Variants in GUCY1A2 observed in about 807,000 individuals in gnomAD.
GUCY1A2 encodes guanylate cyclase soluble subunit alpha-2.
GUCY1A2 carries 27 observed loss-of-function variants against 63.5 expected under a neutral mutation model. The observed-to-expected ratio is 0.43, with a 90% CI of 0.31 to 0.59. The LOEUF is 0.59. GUCY1A2 is among the 20% of genes least tolerant of loss of function. The pLI is 0.11. For missense variants in GUCY1A2, 768 were observed against 913.3 expected, an observed-to-expected ratio of 0.84 and a Z score of 2.05; for synonymous variants, 364 against 343.5, an observed-to-expected ratio of 1.06 and a Z score of -0.66.
At chr11:106,697,942 G>A (rs570067524) in intron 7 of GUCY1A2, among the ~76,000 whole-genome samples, 27 of 151,844 alleles carry the variant, frequency 1.8e-4, no homozygotes, top group African/African-American at 6.5e-4. Flanking sequence ...TTCTCTTATG[G>A]TCATTTCACC....
chr11:106,719,403 AAGG>A (rs1399746126), intron 6 of GUCY1A2, among the ~76,000 whole-genome samples: 1 of 152,124 alleles, frequency 6.6e-6, no homozygotes, highest in Non-Finnish European at 1.5e-5. Flanking sequence ...GGATTTAGGA[AAGG>A]AGTCTCATAG....
At chr11:106,935,211 T>C (rs989048579) in intron 4 of GUCY1A2, among the ~76,000 whole-genome samples, 3 of 152,164 alleles carry the variant, frequency 2.0e-5, no homozygotes, top group Non-Finnish European at 2.9e-5. Context: ...TCAAACCTAC[T>C]GATACCTGGT....
chr11:106,822,379 T>C (rs1357642662), intron 4 of GUCY1A2, among the ~76,000 whole-genome samples: 1 of 152,170 alleles, frequency 6.6e-6, no homozygotes, highest in East Asian at 1.9e-4. Context: ...ACTTTTATTT[T>C]AGGTCCAAGG....
chr11:106,827,285 C>A, intron 4 of GUCY1A2: 1 of 1,555,250 alleles, frequency 6.4e-7, no homozygotes, highest in African/African-American at 1.4e-5. Context: ...GCAATTTTAG[C>A]CTCTGATTTT....
At chr11:106,980,265 G>A (rs1020051645) in intron 2 of GUCY1A2, among the ~76,000 whole-genome samples, 84 of 152,322 alleles carry the variant, frequency 5.5e-4, no homozygotes, top group African/African-American at 1.9e-3. Context: ...TTCCAATCTA[G>A]AGGCTGCCAG....
chr11:106,957,311 TC>T (rs1216994362), intron 3 of GUCY1A2, among the ~76,000 whole-genome samples: 2 of 149,046 alleles, frequency 1.3e-5, no homozygotes, highest in Non-Finnish European at 3.0e-5. Context: ...TGCCTCTTCT[TC>T]CCCCCTCCCC....
At chr11:106,733,488 A>G (rs942902905) in intron 6 of GUCY1A2, among the ~76,000 whole-genome samples, 1 of 152,184 alleles carries the variant, frequency 6.6e-6, no homozygotes, top group African/African-American at 2.4e-5. Context: ...AAGTCTCACC[A>G]TTTAGTACCT....
intron 4 of GUCY1A2, among the ~76,000 whole-genome samples, chr11:106,860,317 A>AG (rs772085998): frequency 1.7e-4 from 26 of 151,728 alleles, no homozygotes; most frequent in Non-Finnish European, 3.1e-4. Flanking sequence ...CAATGCTTGC[A>AG]GGGGAAAAAA....
chr11:107,013,801 C>T (rs1195900036), intron 1 of GUCY1A2, among the ~76,000 whole-genome samples: 1 of 152,066 alleles, frequency 6.6e-6, no homozygotes, highest in Non-Finnish European at 1.5e-5. Flanking sequence ...ATAAAACTTC[C>T]CCTAGATTTC....
intron 2 of GUCY1A2, 54 bp from the exon 3 acceptor site, chr11:106,978,794 T>C (rs10890630): frequency 0.39 from 539,492 of 1,371,134 alleles, 107,801 homozygotes; most frequent in Non-Finnish European, 0.42. Flanking sequence ...CATCTGCGAA[T>C]GCAACTCATA....
At position 106,679,764 on chromosome 11, in the gene GUCY1A2, G is replaced by A. The variant is rs2135326207; in HGVS notation, c.*7785C>T. On this transcript the variant is annotated 3_prime_UTR_variant, in exon 8 of 8. Coordinates refer to ENST00000526355, the MANE Select transcript of GUCY1A2 (RefSeq NM_000855.3). ...GCAGAGCTGGTATTGGGCCTTCTTTGTTCCTTCAACCCAGATGTTCTGACA... is the reference window on the plus strand; with the variant it reads ...GCAGAGCTGGTATTGGGCCTTCTTTATTCCTTCAACCCAGATGTTCTGACA... 4.6e-6 allele frequency: 1 copy of A among 218,122 alleles called. No homozygotes were observed. Among genetic ancestry groups the A allele is most frequent in the South Asian group, 1.8e-4 (1 of 5,410 alleles). 13.5% of individuals were successfully genotyped at this position (218,122 alleles called of 1,614,324 possible).
chr11:106,921,024 T>G (rs1268150832), intron 4 of GUCY1A2, among the ~76,000 whole-genome samples: 2 of 152,042 alleles, frequency 1.3e-5, no homozygotes, highest in African/African-American at 4.8e-5. Context: ...AACTCAATAT[T>G]TGCAACATGA....
intron 4 of GUCY1A2, among the ~76,000 whole-genome samples, chr11:106,880,449 C>A (rs891592794): frequency 6.6e-6 from 1 of 151,940 alleles, no homozygotes; most frequent in Non-Finnish European, 1.5e-5. Context: ...GTATGTAAGT[C>A]CCCTGAATAA....
At position 106,711,444 on chromosome 11, in the gene GUCY1A2, T is replaced by C. The variant is rs187105423; in HGVS notation, c.1837-2778A>G. Among the ~76,000 whole-genome samples the C allele has an allele frequency of 5.2e-4, 79 of 152,242 alleles. 1 individual carries two copies. In the East Asian group the frequency reaches 0.014, roughly 27 times the overall value. Reference sequence around the variant, plus strand: ...GCAAAATATAGATACTTTGAAAACATAGACTTTTATTTGTCTTTCAATAAT... The same window carrying C: ...GCAAAATATAGATACTTTGAAAACACAGACTTTTATTTGTCTTTCAATAAT... On this transcript the variant is annotated intron_variant, in intron 6 of 7. Transcript: ENST00000526355.
intron 4 of GUCY1A2, among the ~76,000 whole-genome samples, chr11:106,922,686 T>C (rs1484090346): frequency 6.2e-5 from 1 of 16,058 alleles, no homozygotes. Flanking sequence ...TATATATATA[T>C]ATATATATAT....
Position 106,845,903 on chromosome 11 carries a change from G to T in GUCY1A2, c.1207-35425C>A, listed in dbSNP as rs1859264124. Among the ~76,000 whole-genome samples, 5 of 151,650 alleles carry T rather than the reference G, an allele frequency of 3.3e-5. 1 individual carries two copies. The South Asian group carries it at 8.3e-4, about 25-fold the overall frequency. On this transcript the variant is annotated intron_variant, in intron 4 of 7. Transcript: ENST00000526355. ...AGGAAAGTTTTCCTTTCAACGAAAA[G>T]ATTTACAGCCAACACCTTAACTAAG...
At chr11:106,889,460 G>C (rs1280138956) in intron 4 of GUCY1A2, among the ~76,000 whole-genome samples, 1 of 152,016 alleles carries the variant, frequency 6.6e-6, no homozygotes, top group African/African-American at 2.4e-5. Flanking sequence ...AACCCCTCAC[G>C]TCTCAAGCAT....
Position 106,857,284 on chromosome 11 carries a change from C to T in GUCY1A2, c.1207-46806G>A, listed in dbSNP as rs76949374. On this transcript the variant is annotated intron_variant, in intron 4 of 7. Transcript: ENST00000526355. ...GACTGCTGACTTTTCACTGTATCCT[C>T]GCATGACAGAAAGCTAGCTAGCTAG... Among the ~76,000 whole-genome samples the T allele has an allele frequency of 8.2e-3, 1,243 of 152,248 alleles. 14 individuals are homozygous for T. The highest frequency in any genetic ancestry group is 0.029 in the African/African-American group (1,185 of 41,552).
intron 4 of GUCY1A2, among the ~76,000 whole-genome samples, chr11:106,850,600 G>A (rs1248588612): frequency 1.3e-5 from 2 of 151,698 alleles, no homozygotes; most frequent in East Asian, 3.9e-4. Flanking sequence ...GACAACATGT[G>A]GTTATTGATC....
Sources: gnomAD v4.1 joint callset for allele counts (sites outside exome capture counted in the v4.1 genomes callset) on GRCh38, gnomAD v4.1.1 for gene constraint, MANE v1.5 for transcripts, NCBI Gene and HGNC (gene_info 2026-07-23, HGNC 2026-07-21) for gene names.